Variants in JAK1 observed in about 807,000 individuals in gnomAD.
JAK1 encodes tyrosine-protein kinase JAK1.
JAK1 carries 16 observed loss-of-function variants against 136.6 expected under a neutral mutation model. The ratio of observed to expected loss-of-function variants is 0.12; its 90% CI spans 0.08 to 0.18. The LOEUF (loss-of-function observed/expected upper bound fraction) is 0.18, where lower values mean the gene tolerates loss of function less well. Among genes scored for constraint, JAK1 ranks in the 10% least tolerant of loss-of-function variants. The pLI is 1.00. For missense variants in JAK1, 859 were observed against 1,450.1 expected (o/e 0.59, Z 6.62); for synonymous variants, 492 against 519.5 (o/e 0.95, Z 0.72).
rs310249 is a variant in JAK1 at position 64,891,634 on chromosome 1, C to A, written c.-77-5293G>T. Among the ~76,000 whole-genome samples the A allele has an allele frequency of 1.2e-4, 18 of 152,108 alleles. 1 individual carries two copies. The highest frequency in any genetic ancestry group is 3.9e-4 in the Admixed American group (6 of 15,300). ...AGTGGCTTCACACCCATAGAGCCAC[C>A]GAAAATGACTTGTATCTATTGCTAC... is the stretch of plus-strand genomic sequence containing the variant. On this transcript the variant is annotated intron_variant, in intron 1 of 24. Transcript: ENST00000342505.
chr1:64,834,351 A>T lies in JAK1; in HGVS notation c.*211T>A. On this transcript the variant is annotated 3_prime_UTR_variant, in exon 25 of 25. Coordinates refer to ENST00000342505, the MANE Select transcript of JAK1 (RefSeq NM_002227.4). The stretch of plus-strand genomic sequence containing the variant: ...TTTTGGTTGTCATTATGTGTCACTA[A>T]GTTACTGGTACCAAATTTAAAGAGG... The T allele has an allele frequency of 2.4e-6, 1 of 408,772 alleles. No individual in the cohort carries two copies. The allele number at this position is 408,772 out of a possible 1,614,324, so 25.3% of individuals were successfully genotyped here.
chr1:64,885,376 A>G (rs1644835847), intron 2 of JAK1, among the ~76,000 whole-genome samples: 1 of 152,198 alleles, frequency 6.6e-6, no homozygotes, highest in African/African-American at 2.4e-5. Context: ...GAATCCAAAG[A>G]CAGTGTTGCA....
intron 2 of JAK1, among the ~76,000 whole-genome samples, chr1:65,042,585 A>T (rs1647144667): frequency 1.3e-5 from 2 of 152,136 alleles, no homozygotes; most frequent in Non-Finnish European, 2.9e-5. Flanking sequence ...CTGGCCACTG[A>T]ATTTTCTCCT....
rs937767064 is a variant in JAK1, at chr1:64,984,821, G to A, written c.-78+59659C>T. The A allele has an allele frequency of 9.0e-7, 1 of 1,115,052 alleles. No individual in the cohort carries two copies. The highest frequency in any genetic ancestry group is 1.5e-5 in the African/African-American group (1 of 64,542). The allele number at this position is 1,115,052 out of a possible 1,614,324, so 69.1% of individuals were successfully genotyped here. On this transcript the variant is annotated intron_variant, in intron 2 of 25. Transcript: ENST00000671954. This position sits in a 1 kb window ranked among gnomAD's most constrained non-coding sequence, Gnocchi z 4.1. ...TAATAAAAACGTAGGCTCCTAAATAGTAAGCAGCAGAAGGGAAAAGCAATC... is the reference window on the plus strand; with the variant it reads ...TAATAAAAACGTAGGCTCCTAAATAATAAGCAGCAGAAGGGAAAAGCAATC...
rs537138972 is a variant in JAK1, at chr1:64,894,633, C to T, written c.-77-8292G>A. Among the ~76,000 whole-genome samples, 152 of 152,008 alleles carry T rather than the reference C, an allele frequency of 1.0e-3. 1 individual carries two copies. Among genetic ancestry groups the T allele is most frequent in the South Asian group, 1.7e-3 (8 of 4,822 alleles). On this transcript the variant is annotated intron_variant, in intron 1 of 24. Coordinates refer to ENST00000342505, the MANE Select transcript of JAK1 (RefSeq NM_002227.4). ...AAAACAAAAAACAAAAAAGGTTAGC[C>T]GGGCGTGGTGGTGGGTGCCTGTAAT...
intron 11 of JAK1, among the ~76,000 whole-genome samples, chr1:64,852,404 G>A (rs1655659604): frequency 6.6e-6 from 1 of 152,216 alleles, no homozygotes; most frequent in Non-Finnish European, 1.5e-5. Flanking sequence ...CTCAGGGAGA[G>A]GCTCCCCTTG....
intron 1 of JAK1, among the ~76,000 whole-genome samples, chr1:64,947,613 C>T (rs1257893550): frequency 1.7e-5 from 2 of 119,056 alleles, no homozygotes; most frequent in Non-Finnish European, 3.9e-5. Flanking sequence ...AGACATAGGC[C>T]AATAAATCCT....
chr1:64,996,618 G>A (rs1646706285), intron 2 of JAK1, among the ~76,000 whole-genome samples: 1 of 152,166 alleles, frequency 6.6e-6, no homozygotes. Context: ...TGGGTTAATT[G>A]CTTAGTCTGT....
intron 1 of JAK1, among the ~76,000 whole-genome samples, chr1:64,921,321 A>C (rs967691578): frequency 6.6e-6 from 1 of 152,112 alleles, no homozygotes; most frequent in Non-Finnish European, 1.5e-5. Flanking sequence ...TAGGACCCCA[A>C]GTTAGTTGTC....
chr1:65,030,307 C>T (rs1647011489), intron 2 of JAK1, among the ~76,000 whole-genome samples: 1 of 152,160 alleles, frequency 6.6e-6, no homozygotes, highest in Admixed American at 6.5e-5. Flanking sequence ...ACCTAGTCTA[C>T]AATATTTTGT....
intron 2 of JAK1, chr1:65,002,529 A>G (rs767819575): frequency 2.6e-5 from 4 of 152,282 alleles, no homozygotes; most frequent in Non-Finnish European, 5.9e-5. Flanking sequence ...GGATAGTGAC[A>G]TAAGTGATGA....
At chr1:65,020,850 C>T (rs1371995642) in intron 2 of JAK1, among the ~76,000 whole-genome samples, 2 of 152,138 alleles carry the variant, frequency 1.3e-5, no homozygotes, top group South Asian at 2.1e-4. Flanking sequence ...TAACAAAATA[C>T]TCTAGAACTA....
intron 2 of JAK1, among the ~76,000 whole-genome samples, chr1:65,025,762 C>T (rs1646972812): frequency 1.3e-5 from 2 of 152,286 alleles, no homozygotes; most frequent in South Asian, 2.1e-4. Flanking sequence ...ACTGTAGCCT[C>T]GACCTCCTAG....
chr1:65,038,212 T>C (rs1184012306), intron 2 of JAK1, among the ~76,000 whole-genome samples: 1 of 151,322 alleles, frequency 6.6e-6, no homozygotes, highest in Non-Finnish European at 1.5e-5. Context: ...TTTTTTTTTT[T>C]TTTGAGACAG....
chr1:65,053,604 A>C (rs1306568205), intron 1 of JAK1, among the ~76,000 whole-genome samples: 1 of 152,212 alleles, frequency 6.6e-6, no homozygotes, highest in Non-Finnish European at 1.5e-5. Context: ...TAATCCCAGC[A>C]CTTTGGGAGG....
chr1:64,872,660 C>A (rs2101153084), intron 5 of JAK1, among the ~76,000 whole-genome samples: 1 of 152,222 alleles, frequency 6.6e-6, no homozygotes, highest in Non-Finnish European at 1.5e-5. Flanking sequence ...CGCAGACATC[C>A]AGTCAATATT....
In JAK1 at chr1:64,860,058, C is replaced by T. The variant is rs761075660; in HGVS notation, c.1334+47G>A. 56 of 1,407,016 alleles carry T rather than the reference C, an allele frequency of 4.0e-5. No homozygotes were observed. The Middle Eastern group carries it at 8.0e-4, about 20-fold the overall frequency. 87.2% of individuals were successfully genotyped at this position (1,407,016 alleles called of 1,614,324 possible). On this transcript the variant is annotated intron_variant, in intron 9 of 24. Coordinates refer to ENST00000342505, the MANE Select transcript of JAK1 (RefSeq NM_002227.4). ...GATGACATGCCCCATCACTAAAACA[C>T]GGGCTCTCTGCACACCAAAGGCAAC...
intron 15 of JAK1, among the ~76,000 whole-genome samples, 167 bp from the exon 16 acceptor site, chr1:64,845,056 T>G (rs1408841551): frequency 6.6e-6 from 1 of 152,176 alleles, no homozygotes; most frequent in Non-Finnish European, 1.5e-5. Flanking sequence ...AGGTGCCCCT[T>G]GGCTCCAGCT....
At chr1:64,989,694 C>T (rs1646637353) in intron 2 of JAK1, 1 of 152,158 alleles carries the variant, frequency 6.6e-6, no homozygotes, top group African/African-American at 2.4e-5. Context: ...ACAGTTGAGA[C>T]ATGCAATAAA....
Sources: gnomAD v4.1 joint callset for allele counts (sites outside exome capture counted in the v4.1 genomes callset) on GRCh38, gnomAD v4.1.1 for gene constraint, Gnocchi (gnomAD v3.1) non-coding constraint, MANE v1.5 for transcripts, NCBI Gene and HGNC (gene_info 2026-07-23, HGNC 2026-07-21) for gene names.